ELAVL2: variants seen among roughly 807,000 people sequenced by gnomAD.
ELAVL2 encodes the protein ELAV like RNA binding protein 2.
Under a neutral mutation model 34.6 loss-of-function variants are expected in ELAVL2, and 4 were observed. That is an observed-to-expected ratio of 0.12 (90% CI 0.06 to 0.26). ELAVL2 has a LOEUF of 0.26. Among genes scored for constraint, ELAVL2 ranks in the 10% least tolerant of loss-of-function variants. ELAVL2 has a pLI of 1.00. For synonymous variants in ELAVL2, 193 were observed against 154.8 expected (o/e 1.25, Z -1.83); for missense variants, 432 against 442.8 (o/e 0.98, Z 0.22).
At chr9:23,715,705 A>C (rs1037885423) in intron 3 of ELAVL2, among the ~76,000 whole-genome samples, 2 of 152,206 alleles carry the variant, frequency 1.3e-5, no homozygotes, top group African/African-American at 4.8e-5. Context: ...CTTTATCTCC[A>C]AAAATGTACT....
chr9:23,789,215 C>T (rs944678896), intron 1 of ELAVL2, among the ~76,000 whole-genome samples: 1 of 152,136 alleles, frequency 6.6e-6, no homozygotes, highest in Admixed American at 6.5e-5. Flanking sequence ...AGTCCCTATA[C>T]AGAGGGTCAG....
chr9:23,699,589 G>A (rs993014556), intron 5 of ELAVL2, among the ~76,000 whole-genome samples: 2 of 152,090 alleles, frequency 1.3e-5, no homozygotes, highest in African/African-American at 4.8e-5. Context: ...GGAAATACCT[G>A]TAAAATTCCT....
chr9:23,770,166 A>G (rs1213021739), intron 1 of ELAVL2, among the ~76,000 whole-genome samples: 4 of 152,224 alleles, frequency 2.6e-5, no homozygotes, highest in Non-Finnish European at 5.9e-5. Context: ...ATATACAAGT[A>G]TGAACACATA....
chr9:23,804,072 T>C (rs1391914881), intron 1 of ELAVL2, among the ~76,000 whole-genome samples: 1 of 152,206 alleles, frequency 6.6e-6, no homozygotes, highest in Admixed American at 6.5e-5. Flanking sequence ...TTTGAAGTAA[T>C]TAGTAATTCT....
intron 4 of ELAVL2, among the ~76,000 whole-genome samples, chr9:23,702,981 A>C (rs1018362113): frequency 3.4e-4 from 44 of 129,664 alleles, no homozygotes; most frequent in African/African-American, 1.4e-3. Context: ...AAAAAAAAAA[A>C]CAGCCTCTAC....
chr9:23,727,728 T>C (rs1170918525), intron 3 of ELAVL2, among the ~76,000 whole-genome samples: 3 of 152,034 alleles, frequency 2.0e-5, no homozygotes, highest in Non-Finnish European at 2.9e-5. Context: ...TGGGAACAAA[T>C]GCTTTAGGTC....
At chr9:23,782,133 T>TA (rs1411266279) in intron 1 of ELAVL2, among the ~76,000 whole-genome samples, 1 of 152,192 alleles carries the variant, frequency 6.6e-6, no homozygotes, top group Non-Finnish European at 1.5e-5. Context: ...GAAGTTTCTT[T>TA]AACATAAAAA....
At chr9:23,820,314 T>C (rs933582636) in intron 1 of ELAVL2, among the ~76,000 whole-genome samples, 1 of 152,192 alleles carries the variant, frequency 6.6e-6, no homozygotes. Flanking sequence ...TTATTAGGAA[T>C]AGGGCCACTA....
At chr9:23,807,250 C>T (rs1564544476) in intron 1 of ELAVL2, among the ~76,000 whole-genome samples, 1 of 152,080 alleles carries the variant, frequency 6.6e-6, no homozygotes, top group Non-Finnish European at 1.5e-5. Flanking sequence ...ATATCCTTGC[C>T]ATGCATTCAC....
At chr9:23,830,601 T>TACACACACACACACACACACACACACAC (rs10525135), upstream of ELAVL2, among the ~76,000 whole-genome samples, 10 of 133,182 alleles carry the variant, frequency 7.5e-5, no homozygotes, top group Non-Finnish European at 1.3e-4. Context: ...GCCCCCCACT[T>TACACACACACACACACACACACACACAC]ACACACACAC....
At chr9:23,835,072 G>A in the ELAVL2 span, among the ~76,000 whole-genome samples, 3 of 152,042 alleles carry the variant, frequency 2.0e-5, no homozygotes, top group East Asian at 1.9e-4. Context: ...TAGTTTTCCC[G>A]GATGTCAGTC....
At chr9:23,724,952 T>G (rs1022398921) in intron 3 of ELAVL2, among the ~76,000 whole-genome samples, 1 of 152,132 alleles carries the variant, frequency 6.6e-6, no homozygotes, top group Non-Finnish European at 1.5e-5. Flanking sequence ...GGCCTGTTCT[T>G]CCAACTATTA....
chr9:23,730,618 T>C (rs987738875), intron 3 of ELAVL2, among the ~76,000 whole-genome samples: 16 of 152,282 alleles, frequency 1.1e-4, no homozygotes, highest in African/African-American at 3.6e-4. Flanking sequence ...ATTACTGCTT[T>C]CATACTATAA....
chr9:23,845,815 T>A, the ELAVL2 span, among the ~76,000 whole-genome samples: 26 of 151,700 alleles, frequency 1.7e-4, no homozygotes, highest in South Asian at 4.2e-4. Context: ...GGCAATTTTT[T>A]AAAAAAAAGA....
intron 4 of ELAVL2, among the ~76,000 whole-genome samples, chr9:23,701,900 C>T (rs982273026): frequency 6.6e-6 from 1 of 152,132 alleles, no homozygotes; most frequent in African/African-American, 2.4e-5. Context: ...TGTTTTCTCT[C>T]TCTCCCACCT....
chr9:23,838,069 AAT>A, the ELAVL2 span, among the ~76,000 whole-genome samples: 100 of 152,302 alleles, frequency 6.6e-4, no homozygotes, highest in African/African-American at 2.2e-3. Flanking sequence ...AGCCATTAAA[AAT>A]AGTGTTTATT....
chr9:23,692,288 T>A lies in ELAVL2; in HGVS notation c.*269A>T. ...CCCTTAGCTGAAACACTTTAAAAGGTCCACCTTCTTCAAAGAAGGCAATAG... is the reference window on the plus strand; with the variant it reads ...CCCTTAGCTGAAACACTTTAAAAGGACCACCTTCTTCAAAGAAGGCAATAG... On this transcript the variant is annotated 3_prime_UTR_variant, in exon 7 of 7. Transcript: ENST00000397312. The A allele has an allele frequency of 2.9e-6, 1 of 350,338 alleles. No homozygotes were observed. Among genetic ancestry groups the A allele is most frequent in the Non-Finnish European group, 5.2e-6 (1 of 193,546 alleles). The allele number at this position is 350,338 out of a possible 1,614,324, so 21.7% of individuals were successfully genotyped here.
intron 2 of ELAVL2, among the ~76,000 whole-genome samples, chr9:23,738,622 C>T (rs2048436138): frequency 6.6e-6 from 1 of 152,112 alleles, no homozygotes; most frequent in Non-Finnish European, 1.5e-5. Context: ...CATCTTCCAC[C>T]CAAATGCTAA....
the ELAVL2 span, among the ~76,000 whole-genome samples, chr9:23,849,259 G>A: frequency 6.6e-6 from 1 of 152,192 alleles, no homozygotes; most frequent in Non-Finnish European, 1.5e-5. Context: ...GGGATGAATG[G>A]GAAGAGGGAG....
Sources: gnomAD v4.1 joint callset for allele counts (sites outside exome capture counted in the v4.1 genomes callset) on GRCh38, gnomAD v4.1.1 for gene constraint, MANE v1.5 for transcripts, NCBI Gene and HGNC (gene_info 2026-07-23, HGNC 2026-07-21) for gene names.